The following MYOM2 variants were observed in gnomAD, a reference collection of about 807,000 sequenced individuals.
MYOM2 encodes myomesin 2.
In MYOM2, 254 loss-of-function variants were observed where a neutral mutation model predicts 187.6. The ratio of observed to expected loss-of-function variants is 1.35; its 90% CI spans 1.22 to 1.50. MYOM2 has a LOEUF of 1.50. Ranked by LOEUF, MYOM2 falls within the 40% of genes most tolerant of loss-of-function variation. The pLI, the probability that MYOM2 is intolerant of heterozygous loss-of-function variation, is 0.00. For missense variants in MYOM2, 2,796 were observed against 1,924.0 expected (o/e 1.45, Z -8.48); for synonymous variants, 981 against 753.8 (o/e 1.30, Z -4.94).
chr8:2,045,540 G>A (rs1176703991), intron 1 of MYOM2, among the ~76,000 whole-genome samples: 1 of 152,194 alleles, frequency 6.6e-6, no homozygotes, highest in Non-Finnish European at 1.5e-5. Flanking sequence ...AGCCTCCCCC[G>A]AGGAGAGGGC....
Position 2,141,179 on chromosome 8 carries a change from T to A in MYOM2, c.4001+2T>A. ...ATTTGCAGAATTCCAGCAATTCAAGTAAGATTTGTGTATTTAGTTACTATG... is the reference window on the plus strand; with the variant it reads ...ATTTGCAGAATTCCAGCAATTCAAGAAAGATTTGTGTATTTAGTTACTATG... On this transcript the variant is annotated splice_donor_variant, in intron 34 of 36. Coordinates refer to ENST00000262113, the MANE Select transcript of MYOM2 (RefSeq NM_003970.4). LOFTEE classifies it high-confidence loss of function. 6.2e-7 allele frequency: 1 copy of A among 1,612,220 alleles called. No individual in the cohort carries two copies. The highest frequency in any genetic ancestry group is 8.5e-7 in the Non-Finnish European group (1 of 1,178,624).
chr8:2,142,922 A>G (rs1798327654), intron 35 of MYOM2, among the ~76,000 whole-genome samples: 1 of 151,572 alleles, frequency 6.6e-6, no homozygotes, highest in Non-Finnish European at 1.5e-5. Context: ...TGCCCGGCTA[A>G]TTTTTGTATT....
At chr8:2,120,661 T>TATATATATA in intron 28 of MYOM2, among the ~76,000 whole-genome samples, 1 of 15,128 alleles carries the variant, frequency 6.6e-5, no homozygotes, top group Non-Finnish European at 1.2e-4. Context: ...ATTTCCTGTA[T>TATATATATA]ATATATATAT....
chr8:2,125,692 C>G (rs1045590410), intron 31 of MYOM2, among the ~76,000 whole-genome samples: 1 of 142,554 alleles, frequency 7.0e-6, no homozygotes, highest in Admixed American at 7.7e-5. Flanking sequence ...ACTGCAACCT[C>G]CATCTCCTGG....
intron 9 of MYOM2, 125 bp from the exon 10 acceptor site, chr8:2,073,214 C>G (rs1819295197): frequency 1.9e-6 from 2 of 1,054,558 alleles, no homozygotes; most frequent in African/African-American, 1.6e-5. Context: ...GGCTGAGGCT[C>G]TGCCTTCCGT....
chr8:2,095,780 T>A (rs772355122), intron 17 of MYOM2, among the ~76,000 whole-genome samples: 1 of 152,176 alleles, frequency 6.6e-6, no homozygotes, highest in Non-Finnish European at 1.5e-5. Flanking sequence ...TCACACTCAT[T>A]TGAAGGAACC....
chr8:2,083,260 G>C (rs1015671523), intron 13 of MYOM2, among the ~76,000 whole-genome samples: 2 of 151,470 alleles, frequency 1.3e-5, no homozygotes, highest in African/African-American at 4.9e-5. Flanking sequence ...TCAGTGCCCT[G>C]GGGGTAGAAC....
intron 21 of MYOM2, among the ~76,000 whole-genome samples, chr8:2,104,623 A>G (rs1796831785): frequency 6.8e-6 from 1 of 147,676 alleles, no homozygotes; most frequent in African/African-American, 2.7e-5. Flanking sequence ...AAAAGAAAAA[A>G]AAAGTTTATT....
In MYOM2 at chr8:2,090,067, G is replaced by A. The variant is rs763212505; in HGVS notation, c.1704G>A (p.Pro568=). The A allele has an allele frequency of 3.7e-6, 6 of 1,613,938 alleles. No homozygotes were observed. The highest frequency in any genetic ancestry group is 3.4e-6 in the Non-Finnish European group (4 of 1,180,018). ...RVNAQTAVRS[P]RYAVFDLMEG... ...ACGCCCAGACGGCTGTGAGATCCCC[G>A]AGATATGCCGTGTTTGACCTCATGG... Residue 568 remains proline (P), a synonymous_variant, in exon 15 of 37, where the codon CCG becomes CCA. Coordinates refer to ENST00000262113, the MANE Select transcript of MYOM2 (RefSeq NM_003970.4).
At chr8:2,094,168 C>A in intron 17 of MYOM2, 77 bp downstream of exon 17, 1 of 1,541,578 alleles carries the variant, frequency 6.5e-7, no homozygotes. Context: ...ATTTGTGATG[C>A]CATTTGGAAT....
At chr8:2,059,298 G>C in intron 6 of MYOM2, 53 bp downstream of exon 6, 1 of 1,530,294 alleles carries the variant, frequency 6.5e-7, no homozygotes. Context: ...CAGCATTGCA[G>C]ACCCCAAAGA....
intron 12 of MYOM2, 138 bp downstream of exon 12, chr8:2,079,071 C>A (rs1302134425): frequency 1.0e-5 from 8 of 771,220 alleles, no homozygotes; most frequent in South Asian, 1.7e-5. Context: ...CAGGCTGTTA[C>A]AACGTTCTCT....
At position 2,050,895 on chromosome 8, in the gene MYOM2, A is replaced by G. The variant is rs193010474; in HGVS notation, c.107+22A>G. ...AAAAGTAAGCTGACATTCGCTGATG[A>G]GACGCGCAGAGCTTTGATTATGGGG... On this transcript the variant is annotated intron_variant, in intron 2 of 36. Coordinates refer to ENST00000262113, the MANE Select transcript of MYOM2 (RefSeq NM_003970.4). The G allele has an allele frequency of 2.7e-4, 418 of 1,559,668 alleles. No homozygotes were observed. The African/African-American group carries it at 5.2e-3, about 19-fold the overall frequency.
At chr8:2,101,729 G>T (rs992388926) in intron 20 of MYOM2, among the ~76,000 whole-genome samples, 1 of 152,056 alleles carries the variant, frequency 6.6e-6, no homozygotes, top group Non-Finnish European at 1.5e-5. Flanking sequence ...GGTGCCTATT[G>T]TATTATGTCC....
At chr8:2,140,649 G>A in intron 32 of MYOM2, 74 bp from the exon 33 acceptor site, 1 of 1,455,424 alleles carries the variant, frequency 6.9e-7, no homozygotes, top group Non-Finnish European at 9.3e-7. Flanking sequence ...ACAGCAACGG[G>A]ACATTGCCCT....
Position 2,100,126 on chromosome 8 carries a change from TTCTTTCCTTCC to T in MYOM2, c.2441-748_2441-738del, listed in dbSNP as rs1796648400. On this transcript the variant is annotated intron_variant, in intron 19 of 36. Coordinates refer to ENST00000262113, the MANE Select transcript of MYOM2 (RefSeq NM_003970.4). ...CTTCCTTCTTTCTTTCCTTCCTTCCTTCTTTCCTTCCTTCCTTCCTTCCTTCCTTCCTTCCT... is the reference window on the plus strand; with the variant it reads ...CTTCCTTCTTTCTTTCCTTCCTTCCTTTCCTTCCTTCCTTCCTTCCTTCCT... 7.7e-4 allele frequency among the ~76,000 whole-genome samples: 53 copies of T among 68,894 alleles called. No individual in the cohort carries two copies. In the East Asian group the frequency reaches 0.02, roughly 26 times the overall value. The allele number at this position is 68,894 out of a possible 152,430, so 45.2% of individuals were successfully genotyped here.
intron 10 of MYOM2, among the ~76,000 whole-genome samples, chr8:2,074,482 T>C (rs1224934835): frequency 6.6e-6 from 1 of 152,064 alleles, no homozygotes; most frequent in Non-Finnish European, 1.5e-5. Flanking sequence ...TGAGATGGAT[T>C]AACACTCTGT....
At position 2,102,685 on chromosome 8, in the gene MYOM2, G is replaced by A. The variant is rs758825285; in HGVS notation, c.2638G>A (p.Gly880Ser). The change falls in exon 21 of 37, where the codon GGT becomes AGT. Residue 880 changes from glycine (G) to serine (S), a missense_variant. Gly to Ser is a moderately conservative substitution (Grantham distance 56). Transcript: ENST00000262113. ...RYLKVSDLQQ[G>S]KTYVFRVRAV... is the part of the protein sequence containing the mutation. ...TTTCAAGGTCTCTGACCTGCAGCAA[G>A]GTAAGACCTATGTCTTCAGGGTCCG... The A allele has an allele frequency of 3.5e-5, 56 of 1,612,858 alleles. No individual in the cohort carries two copies. The highest frequency in any genetic ancestry group is 4.7e-5 in the Non-Finnish European group (56 of 1,178,998).
chr8:2,076,513 T>A (rs1050805301), intron 11 of MYOM2: 7 of 555,742 alleles, frequency 1.3e-5, no homozygotes, highest in African/African-American at 1.1e-4. Flanking sequence ...AAGTGGAGGC[T>A]CGTTTGCCTG....
Sources: gnomAD v4.1 joint callset for allele counts (sites outside exome capture counted in the v4.1 genomes callset) on GRCh38, gnomAD v4.1.1 for gene constraint, MANE v1.5 for transcripts, NCBI Gene and HGNC (gene_info 2026-07-23, HGNC 2026-07-21) for gene names.